Variants in TG observed in about 807,000 individuals in gnomAD.
TG encodes thyroglobulin, also known as thyroid hormones.
Under a neutral mutation model 324.7 loss-of-function variants are expected in TG, and 270 were observed. That is an observed-to-expected ratio of 0.83 (90% CI 0.75 to 0.92). The LOEUF (loss-of-function observed/expected upper bound fraction) is 0.92, where lower values mean the gene tolerates loss of function less well. TG is among the 40% of genes least tolerant of loss of function. The probability of loss-of-function intolerance (pLI) is 0.00; values close to 1 mark genes in which losing one functional copy is unlikely to be tolerated. For missense variants in TG, 3,591 were observed against 3,456.4 expected (o/e 1.04, Z -0.98); for synonymous variants, 1,401 against 1,327.0 (o/e 1.06, Z -1.21).
At chr8:132,982,495 C>T (rs368157502) in intron 34 of TG, among the ~76,000 whole-genome samples, 5 of 152,276 alleles carry the variant, frequency 3.3e-5, no homozygotes, top group Middle Eastern at 3.4e-3. Context: ...ACATCATCTT[C>T]GTTTTATCAA....
intron 11 of TG, among the ~76,000 whole-genome samples, chr8:132,895,528 G>A (rs755086208): frequency 1.6e-4 from 25 of 152,234 alleles, no homozygotes; most frequent in African/African-American, 2.2e-4. Context: ...TCCCTGGTGC[G>A]TGGCACAGTG....
In TG at chr8:132,886,471, G is replaced by C. The variant is rs146293727; in HGVS notation, c.1099G>C (p.Glu367Gln). Residue 367 changes from glutamate to glutamine, a missense_variant, in exon 9 of 48, where the codon GAA (glutamate) becomes CAA (glutamine). Physicochemically the swap from Glu to Gln is conservative, Grantham distance 29. Transcript: ENST00000220616. Reference protein sequence around the residue: ...SCAEGQSCASERQQALSRLYF... With the variant: ...SCAEGQSCASQRQQALSRLYF... ...AGCTGAAGGCCAATCTTGTGCCTCC[G>C]AAAGGCAGCAGGCCTTGTCCAGACT... 1.2e-6 allele frequency: 2 copies of C among 1,614,010 alleles called. No homozygotes were observed. The highest frequency in any genetic ancestry group is 2.7e-5 in the African/African-American group (2 of 74,898).
At chr8:132,868,049 G>A in intron 1 of TG, 66 bp from the exon 2 acceptor site, 1 of 1,415,098 alleles carries the variant, frequency 7.1e-7, no homozygotes, top group Non-Finnish European at 1.0e-6. Flanking sequence ...GTGCTTATGA[G>A]AGCCCGTCTC....
At chr8:133,002,182 T>C in intron 35 of TG, 1 of 985,442 alleles carries the variant, frequency 1.0e-6, no homozygotes, top group Non-Finnish European at 1.2e-6. Context: ...CGCCTGTTTT[T>C]CAAATGAGGG....
At chr8:133,099,801 A>G (rs1205035696) in intron 43 of TG, among the ~76,000 whole-genome samples, 1 of 152,118 alleles carries the variant, frequency 6.6e-6, no homozygotes, top group Non-Finnish European at 1.5e-5. Context: ...TATTTTCCAA[A>G]TGTATCCCAA....
chr8:133,100,451 T>C (rs1849068156), intron 43 of TG, among the ~76,000 whole-genome samples: 1 of 152,178 alleles, frequency 6.6e-6, no homozygotes, highest in African/African-American at 2.4e-5. Context: ...GCTAGACAAA[T>C]TGCACACAGC....
rs922168110 is a variant in TG at position 133,113,719 on chromosome 8, C to T, written c.7754+116C>T. ...CACGTGGCTTTGTGCTTGAGGTTTC[C>T]TCTGCATCATTCATTCAGCCTACAG... On this transcript the variant is annotated intron_variant, in intron 44 of 47. Coordinates refer to ENST00000220616, the MANE Select transcript of TG (RefSeq NM_003235.5). 7.5e-6 allele frequency: 9 copies of T among 1,199,264 alleles called. No individual in the cohort carries two copies. The African/African-American group carries it at 9.1e-5, about 12-fold the overall frequency. The allele number at this position is 1,199,264 out of a possible 1,614,324, so 74.3% of individuals were successfully genotyped here.
intron 16 of TG, among the ~76,000 whole-genome samples, chr8:132,904,679 G>A (rs1818414906): frequency 6.6e-6 from 1 of 152,152 alleles, no homozygotes. Flanking sequence ...GGCCCCAGGA[G>A]GAAAACCCCT....
At chr8:132,909,034 A>G (rs918172100) in intron 18 of TG, among the ~76,000 whole-genome samples, 1 of 152,208 alleles carries the variant, frequency 6.6e-6, no homozygotes, top group Non-Finnish European at 1.5e-5. Flanking sequence ...TGGGGTGTGC[A>G]TGTTGGAAAT....
At chr8:132,972,360 C>A in intron 33 of TG, 1 of 579,750 alleles carries the variant, frequency 1.7e-6, no homozygotes. Context: ...CCTAGCACAG[C>A]CCTAAGCACA....
chr8:133,056,479 A>G (rs183408812), intron 41 of TG, among the ~76,000 whole-genome samples: 9 of 152,216 alleles, frequency 5.9e-5, no homozygotes. Context: ...CCTCTTCCAG[A>G]GCATGGGGGC....
In TG at chr8:132,882,492, A is replaced by T. The variant is rs986713045; in HGVS notation, c.769A>T (p.Ile257Phe). 1.9e-6 allele frequency: 3 copies of T among 1,614,078 alleles called. No individual in the cohort carries two copies. In the African/African-American group the frequency reaches 4.0e-5, roughly 22 times the overall value. The part of the protein sequence containing the change: ...ETGLELLLDE[I>F]YDTIFAGLDL... ...AGGTTTGGAGTTGTTACTGGATGAA[A>T]TTTATGACACCATTTTTGCTGGCCT... is the stretch of plus-strand genomic sequence containing the variant. Residue 257 changes from isoleucine (I) to phenylalanine (F), a missense_variant, in exon 7 of 48, where the codon ATT becomes TTT. Coordinates refer to ENST00000220616, the MANE Select transcript of TG (RefSeq NM_003235.5).
At chr8:133,024,370 CTTTCTTTCTTTCTTTCTTTCTTTT>C (rs1564084344) in intron 40 of TG, among the ~76,000 whole-genome samples, 1 of 119,854 alleles carries the variant, frequency 8.3e-6, no homozygotes, top group Non-Finnish European at 1.8e-5. Flanking sequence ...TTCTTTCTTT[CTTTCTTTCTTTCTTTCTTTCTTTT>C]TCTTTTTTTA....
intron 43 of TG, among the ~76,000 whole-genome samples, chr8:133,109,952 G>A (rs567328747): frequency 2.0e-5 from 3 of 152,246 alleles, no homozygotes; most frequent in Admixed American, 1.3e-4. Context: ...CTCATGTTAT[G>A]TATGAGAAAA....
chr8:132,982,929 AATGTC>A (rs1831063571), intron 34 of TG, among the ~76,000 whole-genome samples: 1 of 152,186 alleles, frequency 6.6e-6, no homozygotes, highest in Non-Finnish European at 1.5e-5. Context: ...AACTTTGGTC[AATGTC>A]ATGAGAAAAG....
intron 45 of TG, among the ~76,000 whole-genome samples, chr8:133,122,195 G>A (rs1013676093): frequency 2.8e-4 from 42 of 152,124 alleles, no homozygotes; most frequent in African/African-American, 9.9e-4. Flanking sequence ...TTTTCTTACT[G>A]TGCACCTGGA....
chr8:132,969,780 G>A (rs556279833), intron 32 of TG, among the ~76,000 whole-genome samples: 14 of 151,932 alleles, frequency 9.2e-5, no homozygotes, highest in East Asian at 1.9e-4. Flanking sequence ...GCATGGTGGC[G>A]GCACATGCTA....
At chr8:133,121,061 A>G (rs577975676) in intron 45 of TG, among the ~76,000 whole-genome samples, 1 of 152,252 alleles carries the variant, frequency 6.6e-6, no homozygotes, top group African/African-American at 2.4e-5. Context: ...AGCCATGTTC[A>G]TGCAGAGGCC....
chr8:133,115,078 A>G (rs948785099), intron 44 of TG, among the ~76,000 whole-genome samples: 5 of 152,190 alleles, frequency 3.3e-5, no homozygotes, highest in African/African-American at 4.8e-5. Context: ...TCAAGTCAGG[A>G]CTGGGCTAGA....
Sources: allele counts gnomAD v4.1 joint callset (sites outside exome capture counted in the v4.1 genomes callset), GRCh38; gene constraint gnomAD v4.1.1; transcripts MANE v1.5; gene names NCBI Gene and HGNC (gene_info 2026-07-23, HGNC 2026-07-21).